KIN: variants seen among roughly 807,000 people sequenced by gnomAD.
The protein encoded by KIN is DNA/RNA-binding protein KIN17.
Under a neutral mutation model 63.0 loss-of-function variants are expected in KIN, and 47 were observed. That is an observed-to-expected ratio of 0.75 (90% CI 0.59 to 0.95). KIN has a LOEUF of 0.95. KIN is among the 40% of genes least tolerant of loss of function. The pLI is 0.00. For missense variants in KIN, 408 were observed against 460.9 expected (o/e 0.89, Z 1.05); for synonymous variants, 160 against 157.7 (o/e 1.01, Z -0.11).
chr10:7,757,653 A>T (rs1473435274), intron 12 of KIN, among the ~76,000 whole-genome samples: 1 of 152,070 alleles, frequency 6.6e-6, no homozygotes, highest in African/African-American at 2.4e-5. Context: ...AGATTTTAAC[A>T]TTTTTTTACT....
chr10:7,769,197 C>A lies in KIN; in HGVS notation c.798+19G>T, dbSNP rs146001586. 1 of 1,594,730 alleles carries A rather than the reference C, an allele frequency of 6.3e-7. No individual in the cohort carries two copies. Among genetic ancestry groups the A allele is most frequent in the Non-Finnish European group, 8.5e-7 (1 of 1,173,366 alleles). ...TTCCTTGGGTTCTAAGGTGTCCACA[C>A]GCAATCCATAAACTGTACCTCCATG... On this transcript the variant is annotated intron_variant, in intron 8 of 12. Transcript: ENST00000379562.
chr10:7,785,492 T>A (rs1455552010), intron 1 of KIN, among the ~76,000 whole-genome samples: 1 of 151,554 alleles, frequency 6.6e-6, no homozygotes, highest in Non-Finnish European at 1.5e-5. Context: ...CTTCAACAAG[T>A]CAATGTCAAG....
At position 7,778,921 on chromosome 10, in the gene KIN, T is replaced by C. The variant is rs1222557964; in HGVS notation, c.475A>G (p.Lys159Glu). 3.7e-6 allele frequency: 6 copies of C among 1,614,064 alleles called. No individual in the cohort carries two copies. Among genetic ancestry groups the C allele is most frequent in the Non-Finnish European group, 5.1e-6 (6 of 1,180,042 alleles). The change falls in exon 5 of 13, where the codon AAA (lysine) becomes GAA (glutamate). Residue 159 changes from lysine (K) to glutamate (E), a missense_variant. Physicochemically the swap from Lys to Glu is moderately conservative, Grantham distance 56. Coordinates refer to ENST00000379562, the MANE Select transcript of KIN (RefSeq NM_012311.4). ...TCTTCATCATCAAGGTCCTGCTTTT[T>C]CTTTTTCTCCAGTTCCAGTTGCCGG... ...IRRQLELEKK[K>E]KQDLDDEEKT...
At position 7,786,349 on chromosome 10, in the gene KIN, G is replaced by A. The variant is rs542658121; in HGVS notation, c.114+1471C>T. On this transcript the variant is annotated intron_variant, in intron 1 of 12. Transcript: ENST00000379562. ...TGAAATTTTAGAGATGCCTATTTAA[G>A]TATTTAAAGGTGAAATATCCTGATA... is the stretch of plus-strand genomic sequence containing the variant. Among the ~76,000 whole-genome samples, 7 of 152,262 alleles carry A rather than the reference G, an allele frequency of 4.6e-5. No individual in the cohort carries two copies. The East Asian group carries it at 7.7e-4, about 17-fold the overall frequency.
rs551042784 is a variant in KIN, at chr10:7,771,751, C to T, written c.669-2406G>A. Reference sequence around the variant, plus strand: ...CTCCTAAAAATACAAAAAAATTAGCCGAGCATGGTGGTGCATGCCTGTACT... The same window carrying T: ...CTCCTAAAAATACAAAAAAATTAGCTGAGCATGGTGGTGCATGCCTGTACT... On this transcript the variant is annotated intron_variant, in intron 7 of 12. Coordinates refer to ENST00000379562, the MANE Select transcript of KIN (RefSeq NM_012311.4). Among the ~76,000 whole-genome samples the T allele has an allele frequency of 2.0e-5, 3 of 151,884 alleles. No homozygotes were observed. The South Asian group carries it at 6.2e-4, about 32-fold the overall frequency.
intron 5 of KIN, among the ~76,000 whole-genome samples, chr10:7,777,305 T>C: frequency 6.6e-6 from 1 of 151,770 alleles, no homozygotes; most frequent in South Asian, 2.1e-4. Context: ...TCAATCGTGG[T>C]ATACTGGAAC....
At chr10:7,773,937 T>C (rs1288202581) in intron 7 of KIN, among the ~76,000 whole-genome samples, 1 of 152,168 alleles carries the variant, frequency 6.6e-6, no homozygotes, top group African/African-American at 2.4e-5. Flanking sequence ...GAAGATAATG[T>C]AGAAAGTAGG....
At chr10:7,774,501 T>A (rs192798235) in intron 7 of KIN, among the ~76,000 whole-genome samples, 1 of 151,910 alleles carries the variant, frequency 6.6e-6, no homozygotes, top group East Asian at 1.9e-4. Context: ...AAAAACACAA[T>A]CATCTCATAA....
chr10:7,769,921 A>C (rs1373607881), intron 7 of KIN, among the ~76,000 whole-genome samples: 4 of 152,276 alleles, frequency 2.6e-5, no homozygotes, highest in South Asian at 2.1e-4. Context: ...CCAACTGCCC[A>C]GAGTTAACAG....
chr10:7,783,023 C>G (rs1835929212), intron 2 of KIN, 58 bp downstream of exon 2: 2 of 772,048 alleles, frequency 2.6e-6, no homozygotes, highest in Non-Finnish European at 4.2e-6. Context: ...TATTAACCAT[C>G]TATTAAATGT....
Position 7,786,599 on chromosome 10 carries a change from C to CA in KIN, c.114+1220dup, listed in dbSNP as rs796977812. Among the ~76,000 whole-genome samples the CA allele has an allele frequency of 9.8e-3, 1,368 of 140,136 alleles. 18 individuals are homozygous for CA. The highest frequency in any genetic ancestry group is 0.032 in the African/African-American group (1,218 of 38,490). The allele number at this position is 140,136 out of a possible 152,430, so 91.9% of individuals were successfully genotyped here. A position where few individuals can be genotyped will look rare whatever the true frequency, so the allele number is the denominator to read the frequency against. On this transcript the variant is annotated intron_variant, in intron 1 of 12. Coordinates refer to ENST00000379562, the MANE Select transcript of KIN (RefSeq NM_012311.4). ...TGATGAACAGGGTGGGACCGTATCT[C>CA]AAAAAAAAAAAGAGGAAGAGAAGTT...
In KIN at chr10:7,756,126, C is replaced by T. The variant is rs61752337; in HGVS notation, c.1136G>A (p.Arg379His). The T allele has an allele frequency of 1.2e-4, 192 of 1,585,300 alleles. No individual in the cohort carries two copies. Among genetic ancestry groups the T allele is most frequent in the Middle Eastern group, 5.0e-4 (3 of 6,008 alleles). ...IVIETGPLKGRRVEGIQYEDI... is the reference protein window; with the variant it reads ...IVIETGPLKGHRVEGIQYEDI... ...TTCATATTGAATTCCTTCAACTCTG[C>T]GTCCTTTTAAAGGGCCCTACAAATT... Residue 379 changes from arginine to histidine, a missense_variant, in exon 13 of 13, where the codon CGC becomes CAC. Coordinates refer to ENST00000379562, the MANE Select transcript of KIN (RefSeq NM_012311.4).
chr10:7,775,955 G>A lies in KIN; in HGVS notation c.559-156C>T, dbSNP rs118191584. 5.0e-3 allele frequency among the ~76,000 whole-genome samples: 763 copies of A among 152,196 alleles called. 44 individuals carry two copies. The East Asian group carries it at 0.13, about 26-fold the overall frequency. On this transcript the variant is annotated intron_variant, in intron 5 of 12. Coordinates refer to ENST00000379562, the MANE Select transcript of KIN (RefSeq NM_012311.4). ...AGAAATTACATGCTTTCGGCCAGGC[G>A]CGGTGGCTCACACCTGTAATCCCAG...
chr10:7,761,188 T>C (rs1012886255), intron 11 of KIN: 2 of 152,198 alleles, frequency 1.3e-5, no homozygotes, highest in African/African-American at 4.8e-5. Context: ...CTTACCAAAT[T>C]GTATACTTTA....
intron 6 of KIN, 37 bp downstream of exon 6, chr10:7,775,714 T>C (rs1835755773): frequency 1.7e-6 from 2 of 1,154,684 alleles, no homozygotes; most frequent in South Asian, 1.4e-5. Context: ...TAAAAGCATC[T>C]ATGTTTAAAA....
At chr10:7,783,392 G>A (rs1835936784) in intron 1 of KIN, among the ~76,000 whole-genome samples, 1 of 152,124 alleles carries the variant, frequency 6.6e-6, no homozygotes, top group African/African-American at 2.4e-5. Context: ...TGAGATCAAA[G>A]AGACAGCAAA....
At chr10:7,762,644 A>G (rs993535793) in intron 10 of KIN, 88 bp from the exon 11 acceptor site, 7 of 643,942 alleles carry the variant, frequency 1.1e-5, no homozygotes, top group Non-Finnish European at 1.8e-5. Flanking sequence ...GAAGACAAAT[A>G]AAATATCAAT....
intron 11 of KIN, chr10:7,761,168 C>T (rs1382271993): frequency 6.6e-6 from 1 of 152,082 alleles, no homozygotes; most frequent in Non-Finnish European, 1.5e-5. Context: ...GAAGTAGGCA[C>T]ATGTTGAAAC....
chr10:7,762,464 T>C lies in KIN; in HGVS notation c.1011A>G (p.Pro337=), dbSNP rs748912108. 3 of 1,597,308 alleles carry C rather than the reference T, an allele frequency of 1.9e-6. No homozygotes were observed. The highest frequency in any genetic ancestry group is 2.6e-6 in the Non-Finnish European group (3 of 1,167,234). ...LDQTHLETVI[P]APGKRILVLN... ...GTCTGCAAACAGATTTACCTGGTGCTGGAATTACTGTCTCTAAATGAGTCT... is the reference window on the plus strand; with the variant it reads ...GTCTGCAAACAGATTTACCTGGTGCCGGAATTACTGTCTCTAAATGAGTCT... Residue 337 remains proline, a synonymous_variant, in exon 11 of 13, where the codon CCA becomes CCG. Transcript: ENST00000379562.
Sources: gnomAD v4.1 joint callset for allele counts (sites outside exome capture counted in the v4.1 genomes callset) on GRCh38, gnomAD v4.1.1 for gene constraint, MANE v1.5 for transcripts, NCBI Gene and HGNC (gene_info 2026-07-23, HGNC 2026-07-21) for gene names.